HYAL4: variants seen among roughly 807,000 people sequenced by gnomAD.
HYAL4 encodes the protein hyaluronidase-4.
HYAL4 carries 37 observed loss-of-function variants against 35.2 expected under a neutral mutation model. The observed-to-expected ratio is 1.05, with a 90% confidence interval of 0.81 to 1.38. The LOEUF (loss-of-function observed/expected upper bound fraction) is 1.38, where lower values mean the gene tolerates loss of function less well. Ranked by LOEUF, HYAL4 falls within the 40% of genes most tolerant of loss-of-function variation. The probability of loss-of-function intolerance (pLI) is 0.00; values close to 1 mark genes in which losing one functional copy is unlikely to be tolerated. For missense variants in HYAL4, 572 were observed against 572.4 expected, an observed-to-expected ratio of 1.00 and a Z score of 0.01; for synonymous variants, 198 against 203.2, an observed-to-expected ratio of 0.97 and a Z score of 0.22.
At chr7:123,859,686 C>T (rs1331784593) in intron 2 of HYAL4, among the ~76,000 whole-genome samples, 1 of 152,156 alleles carries the variant, frequency 6.6e-6, no homozygotes, top group Non-Finnish European at 1.5e-5. Flanking sequence ...TGAGATGTAA[C>T]TTTCTTTAGG....
intron 1 of HYAL4, among the ~76,000 whole-genome samples, chr7:123,830,131 CAG>C (rs1294210672): frequency 6.6e-6 from 1 of 152,186 alleles, no homozygotes; most frequent in Middle Eastern, 3.2e-3. Flanking sequence ...AAGTTAAAAA[CAG>C]ATCATGAAAA....
chr7:123,782,884 A>C, the HYAL4 span, among the ~76,000 whole-genome samples: 1 of 152,158 alleles, frequency 6.6e-6, no homozygotes, highest in East Asian at 1.9e-4. Context: ...AACATCCCAC[A>C]GAACACACTT....
upstream of HYAL4, among the ~76,000 whole-genome samples, chr7:123,824,426 A>G (rs573393088): frequency 6.6e-6 from 1 of 152,110 alleles, no homozygotes; most frequent in Non-Finnish European, 1.5e-5. Flanking sequence ...AAAGGTGGCA[A>G]TATAATTTTT....
chr7:123,841,315 C>T (rs1206640599), upstream of HYAL4, among the ~76,000 whole-genome samples: 1 of 151,936 alleles, frequency 6.6e-6, no homozygotes, highest in Non-Finnish European at 1.5e-5. Flanking sequence ...GTTGAACAAG[C>T]CTTGCGTCCC....
chr7:123,850,442 T>G (rs1458496787), intron 2 of HYAL4, among the ~76,000 whole-genome samples: 1 of 152,132 alleles, frequency 6.6e-6, no homozygotes, highest in African/African-American at 2.4e-5. Context: ...GGTTTTGCCA[T>G]GTTGCTCAAG....
the HYAL4 span, among the ~76,000 whole-genome samples, chr7:123,774,384 G>A: frequency 6.6e-6 from 1 of 151,874 alleles, no homozygotes; most frequent in African/African-American, 2.4e-5. Flanking sequence ...ACTGGGTGTG[G>A]TATGCTCCTT....
the HYAL4 span, among the ~76,000 whole-genome samples, chr7:123,823,081 A>G: frequency 6.6e-6 from 1 of 152,186 alleles, no homozygotes. Context: ...GATGTTAGCT[A>G]TGGGCTTGTC....
the HYAL4 span, among the ~76,000 whole-genome samples, chr7:123,780,036 T>C: frequency 6.6e-6 from 1 of 152,230 alleles, no homozygotes; most frequent in Non-Finnish European, 1.5e-5. Flanking sequence ...TCATTAAGAC[T>C]GTAGGCTCTA....
At chr7:123,771,835 A>ATTTTTTTTTCTTTTTTT in the HYAL4 span, among the ~76,000 whole-genome samples, 1 of 144,690 alleles carries the variant, frequency 6.9e-6, no homozygotes, top group Non-Finnish European at 1.5e-5. Flanking sequence ...TTACCCATCC[A>ATTTTTTTTTCTTTTTTT]TGTAGAGATT....
At chr7:123,775,308 A>G in the HYAL4 span, among the ~76,000 whole-genome samples, 17 of 152,244 alleles carry the variant, frequency 1.1e-4, no homozygotes, top group African/African-American at 3.9e-4. Flanking sequence ...ACATGCCTAT[A>G]GTACTAGCTA....
chr7:123,863,235 C>T (rs973895091), intron 2 of HYAL4, among the ~76,000 whole-genome samples: 3 of 152,176 alleles, frequency 2.0e-5, no homozygotes, highest in South Asian at 2.1e-4. Context: ...TTGTTTTGCT[C>T]ACTATTGTAT....
intron 1 of HYAL4, chr7:123,829,223 T>C (rs566788301): frequency 6.6e-6 from 1 of 152,574 alleles, no homozygotes; most frequent in East Asian, 1.9e-4. Context: ...TGTGTGTCAC[T>C]GCTATTACGG....
the HYAL4 span, among the ~76,000 whole-genome samples, chr7:123,807,710 A>G: frequency 2.0e-5 from 3 of 150,196 alleles, no homozygotes; most frequent in Admixed American, 2.0e-4. Context: ...CAAGGTGCTC[A>G]GCCTCTCAAG....
In HYAL4 at chr7:123,869,187, G is replaced by A; in HGVS notation, c.914G>A (p.Arg305Lys). 1 of 1,613,906 alleles carries A rather than the reference G, an allele frequency of 6.2e-7. No individual in the cohort carries two copies. The highest frequency in any genetic ancestry group is 8.5e-7 in the Non-Finnish European group (1 of 1,179,988). ...DYALPVFVYT[R>K]LGYRDEPLFF... is the part of the protein sequence containing the mutation. ...GCTCTGCCTGTATTTGTCTACACAA[G>A]GCTAGGGTACAGAGATGAACCTTTA... Residue 305 changes from arginine to lysine, a missense_variant, in exon 3 of 5, where the codon AGG (arginine) becomes AAG (lysine). Coordinates refer to ENST00000223026, the MANE Select transcript of HYAL4 (RefSeq NM_012269.3).
the HYAL4 span, among the ~76,000 whole-genome samples, chr7:123,796,692 C>T: frequency 6.6e-6 from 1 of 152,120 alleles, no homozygotes; most frequent in Non-Finnish European, 1.5e-5. Flanking sequence ...CCCAAATGTC[C>T]ACCAACAGAT....
At chr7:123,781,988 C>T in the HYAL4 span, among the ~76,000 whole-genome samples, 91 of 152,156 alleles carry the variant, frequency 6.0e-4, no homozygotes, top group African/African-American at 2.1e-3. Context: ...CTCACTGCAG[C>T]CTTGGACTCG....
Position 123,868,950 on chromosome 7 carries a change from A to G in HYAL4, c.677A>G (p.Tyr226Cys). The G allele has an allele frequency of 1.9e-6, 3 of 1,614,018 alleles. No homozygotes were observed. The highest frequency in any genetic ancestry group is 2.5e-6 in the Non-Finnish European group (3 of 1,180,008). Residue 226 changes from tyrosine to cysteine, a missense_variant, in exon 3 of 5, where the codon TAT (tyrosine) becomes TGT (cysteine). Coordinates refer to ENST00000223026, the MANE Select transcript of HYAL4 (RefSeq NM_012269.3). ...TATTTATATCCTGATTGCCACAATT[A>G]TAACGTTTATGCCCCAAACTACTCT... ...GYYLYPDCHNYNVYAPNYSGS... is the reference protein window; with the variant it reads ...GYYLYPDCHNCNVYAPNYSGS...
chr7:123,798,354 T>A, the HYAL4 span, among the ~76,000 whole-genome samples: 1 of 152,122 alleles, frequency 6.6e-6, no homozygotes, highest in African/African-American at 2.4e-5. Flanking sequence ...AAAGAGTAGG[T>A]GTGTTCCTTC....
the HYAL4 span, among the ~76,000 whole-genome samples, chr7:123,786,168 GA>G: frequency 6.6e-6 from 1 of 152,072 alleles, no homozygotes; most frequent in African/African-American, 2.4e-5. Context: ...CACATTTTTT[GA>G]AAATACAGAC....
Sources: allele counts gnomAD v4.1 joint callset (sites outside exome capture counted in the v4.1 genomes callset), GRCh38; gene constraint gnomAD v4.1.1; transcripts MANE v1.5; gene names NCBI Gene and HGNC (gene_info 2026-07-23, HGNC 2026-07-21).